PUM2: variants seen among roughly 807,000 people sequenced by gnomAD.
PUM2 encodes the protein pumilio homolog 2.
A neutral mutation model predicts 124.5 loss-of-function variants in PUM2; 57 were observed. That is an observed-to-expected ratio of 0.46 (90% CI 0.37 to 0.57). PUM2 has a LOEUF of 0.57. Ranked by LOEUF, PUM2 falls within the 20% of genes least tolerant of loss-of-function variation. The pLI is 0.00. For synonymous variants in PUM2, 460 were observed against 446.1 expected (o/e 1.03, Z -0.39); for missense variants, 1,065 against 1,290.6 (o/e 0.83, Z 2.68).
chr2:20,334,015 G>A (rs922763657), intron 1 of PUM2, among the ~76,000 whole-genome samples: 9 of 152,048 alleles, frequency 5.9e-5, no homozygotes, highest in East Asian at 1.9e-4. Context: ...TAAGTTTCCC[G>A]AGGCCTCCCC....
chr2:20,291,845 C>T (rs1431343132), intron 9 of PUM2, among the ~76,000 whole-genome samples: 1 of 152,068 alleles, frequency 6.6e-6, no homozygotes, highest in Non-Finnish European at 1.5e-5. Context: ...CATTTGGTGA[C>T]CATACCGTTT....
chr2:20,287,374 C>G (rs1014122617), intron 10 of PUM2, among the ~76,000 whole-genome samples: 1 of 152,054 alleles, frequency 6.6e-6, no homozygotes, highest in Admixed American at 6.6e-5. Context: ...TTGAGGAAAG[C>G]TTCATGAAAG....
intron 10 of PUM2, among the ~76,000 whole-genome samples, chr2:20,286,080 T>C (rs1379306585): frequency 6.6e-6 from 1 of 152,158 alleles, no homozygotes; most frequent in Non-Finnish European, 1.5e-5. Context: ...CAGGTCACTG[T>C]TAATAACTTG....
chr2:20,331,673 A>G (rs1684952478), intron 1 of PUM2: 1 of 152,160 alleles, frequency 6.6e-6, no homozygotes, highest in South Asian at 2.1e-4. Context: ...TCAGTAGTAG[A>G]CATGAATTTT....
intron 17 of PUM2, 118 bp from the exon 18 acceptor site, chr2:20,255,459 AG>A: frequency 9.9e-7 from 1 of 1,013,438 alleles, no homozygotes; most frequent in Admixed American, 2.6e-5. Context: ...TTGAAATAGA[AG>A]GGTGATGAAC....
intron 13 of PUM2, among the ~76,000 whole-genome samples, chr2:20,276,896 G>A (rs914107430): frequency 2.0e-5 from 3 of 152,108 alleles, no homozygotes; most frequent in African/African-American, 7.2e-5. Context: ...AATGCAGAAT[G>A]CTGGCCCAGT....
At chr2:20,318,414 C>A (rs1681513732) in intron 3 of PUM2, 123 bp downstream of exon 3, 1 of 755,076 alleles carries the variant, frequency 1.3e-6, no homozygotes, top group Non-Finnish European at 2.1e-6. Flanking sequence ...CCAGCCTGGG[C>A]AATAGCGCAA....
Position 20,283,534 on chromosome 2 carries a change from T to A in PUM2, c.1292-48A>T, listed in dbSNP as rs530434506. The A allele has an allele frequency of 5.1e-5, 79 of 1,539,068 alleles. No individual in the cohort carries two copies. The South Asian group carries it at 9.2e-4, about 18-fold the overall frequency. ...AATGAAAGCACTTATTACAAAAACA[T>A]GCATATTTGTTTTTCCCTGCATTTG... On this transcript the variant is annotated intron_variant, in intron 10 of 20. Coordinates refer to ENST00000361078, the MANE Select transcript of PUM2 (RefSeq NM_015317.5).
rs1200072776 is a variant in PUM2, at chr2:20,303,409, GACAA to G, written c.883+4565_883+4568del. 2.0e-5 allele frequency among the ~76,000 whole-genome samples: 3 copies of G among 146,944 alleles called. No homozygotes were observed. In the East Asian group the frequency reaches 6.0e-4, roughly 29 times the overall value. On this transcript the variant is annotated intron_variant, in intron 7 of 20. Coordinates refer to ENST00000361078, the MANE Select transcript of PUM2 (RefSeq NM_015317.5). ...AGAAAAGTACCATTTACTTTTCTGA[GACAA>G]ACATCAAAATCAAGCTTTCAAGTTT...
At chr2:20,304,824 A>G (rs1229621724) in intron 7 of PUM2, among the ~76,000 whole-genome samples, 1 of 152,242 alleles carries the variant, frequency 6.6e-6, no homozygotes, top group Non-Finnish European at 1.5e-5. Context: ...ACATTTTGCA[A>G]TATTTTGGAT....
In PUM2 at chr2:20,251,462, CAATA is replaced by C. The variant is rs1373362730; in HGVS notation, c.*119_*122del. The C allele has an allele frequency of 1.2e-5, 14 of 1,211,766 alleles. No homozygotes were observed. The highest frequency in any genetic ancestry group is 3.3e-5 in the South Asian group (2 of 61,486). The allele number at this position is 1,211,766 out of a possible 1,614,324, so 75.1% of individuals were successfully genotyped here. ...AAATTTACAAATGGATGAATAAAGT[CAATA>C]AATAGTTTTGCTTTAAAAAAAAATT... is the stretch of plus-strand genomic sequence containing the variant. On this transcript the variant is annotated 3_prime_UTR_variant, in exon 21 of 21. Transcript: ENST00000361078.
intron 12 of PUM2, 26 bp downstream of exon 12, chr2:20,282,921 T>C: frequency 6.2e-7 from 1 of 1,605,776 alleles, no homozygotes; most frequent in Non-Finnish European, 8.5e-7. Context: ...CTTAGCAGAG[T>C]ACACTCATCG....
In PUM2 at chr2:20,290,890, T is replaced by C. The variant is rs1673909210; in HGVS notation, c.1153-100A>G. ...ATTTATTACAAACAGCCTTTGGATA[T>C]TTTTTAAACATTTACATGCAAGGAA... On this transcript the variant is annotated intron_variant, in intron 9 of 20. Coordinates refer to ENST00000361078, the MANE Select transcript of PUM2 (RefSeq NM_015317.5). 9.3e-6 allele frequency: 9 copies of C among 969,546 alleles called. No homozygotes were observed. In the East Asian group the frequency reaches 2.6e-4, roughly 28 times the overall value. 60.1% of individuals were successfully genotyped at this position (969,546 alleles called of 1,614,324 possible). A position where few individuals can be genotyped will look rare whatever the true frequency, so the allele number is the denominator to read the frequency against.
chr2:20,259,766 C>T (rs1572555370), intron 15 of PUM2, among the ~76,000 whole-genome samples: 1 of 152,154 alleles, frequency 6.6e-6, no homozygotes, highest in Admixed American at 6.5e-5. Flanking sequence ...TTCCTGCTTT[C>T]AATTCATTTG....
chr2:20,257,728 A>C (rs925878331), intron 16 of PUM2, among the ~76,000 whole-genome samples: 1 of 152,178 alleles, frequency 6.6e-6, no homozygotes, highest in African/African-American at 2.4e-5. Flanking sequence ...CTTTCCATCC[A>C]ATAACACAGA....
At chr2:20,343,446 CTAAG>C (rs767643412) in intron 1 of PUM2, among the ~76,000 whole-genome samples, 2 of 152,116 alleles carry the variant, frequency 1.3e-5, no homozygotes, top group African/African-American at 4.8e-5. Flanking sequence ...ATAAAAATAA[CTAAG>C]TAATTTATTA....
chr2:20,337,922 T>G (rs968535834), intron 1 of PUM2, among the ~76,000 whole-genome samples: 3 of 152,176 alleles, frequency 2.0e-5, no homozygotes, highest in Non-Finnish European at 4.4e-5. Flanking sequence ...ATTCTCACTA[T>G]AATCCAGCAA....
At chr2:20,321,294 AAAAAAG>A (rs1419073492) in intron 2 of PUM2, among the ~76,000 whole-genome samples, 5 of 152,168 alleles carry the variant, frequency 3.3e-5, no homozygotes, top group Non-Finnish European at 7.3e-5. Flanking sequence ...TCAAAAAAAG[AAAAAAG>A]AAAAAGAAAA....
At chr2:20,300,194 G>A (rs1273971395) in intron 7 of PUM2, among the ~76,000 whole-genome samples, 1 of 151,680 alleles carries the variant, frequency 6.6e-6, no homozygotes, top group African/African-American at 2.4e-5. Flanking sequence ...TTGTTGCCCA[G>A]GTTGGAGTGC....
Sources: gnomAD v4.1 joint callset for allele counts (sites outside exome capture counted in the v4.1 genomes callset) on GRCh38, gnomAD v4.1.1 for gene constraint, MANE v1.5 for transcripts, NCBI Gene and HGNC (gene_info 2026-07-23, HGNC 2026-07-21) for gene names.